The following TMEM132D variants were observed in gnomAD, a reference collection of about 807,000 sequenced individuals.
TMEM132D encodes the protein transmembrane protein 132D, also known as mature OL transmembrane protein.
TMEM132D carries 21 observed loss-of-function variants against 62.3 expected under a neutral mutation model. The observed-to-expected ratio is 0.34, with a 90% CI of 0.24 to 0.49. The LOEUF is 0.49. TMEM132D is among the 20% of genes least tolerant of loss of function. The probability of loss-of-function intolerance (pLI) is 0.99; values close to 1 mark genes in which losing one functional copy is unlikely to be tolerated. For synonymous variants in TMEM132D, 621 were observed against 575.6 expected, an observed-to-expected ratio of 1.08 and a Z score of -1.13; for missense variants, 1,346 against 1,402.8, an observed-to-expected ratio of 0.96 and a Z score of 0.65.
At chr12:129,462,005 G>A (rs542766815) in intron 3 of TMEM132D, among the ~76,000 whole-genome samples, 2 of 152,256 alleles carry the variant, frequency 1.3e-5, no homozygotes, top group South Asian at 2.1e-4. Context: ...TTTAAAAATT[G>A]GGCAAAAAGA....
intron 3 of TMEM132D, among the ~76,000 whole-genome samples, chr12:129,457,691 G>A (rs1018994126): frequency 2.6e-5 from 4 of 152,198 alleles, no homozygotes; most frequent in East Asian, 3.9e-4. Flanking sequence ...CATGTCGGAA[G>A]GGCAAAGAAA....
intron 5 of TMEM132D, among the ~76,000 whole-genome samples, chr12:129,188,444 A>C (rs1300992681): frequency 1.3e-5 from 2 of 152,186 alleles, no homozygotes; most frequent in East Asian, 3.9e-4. Flanking sequence ...TCACTCTTTC[A>C]AGCCATCAGA....
intron 4 of TMEM132D, among the ~76,000 whole-genome samples, chr12:129,236,269 C>T (rs1181817801): frequency 6.6e-6 from 1 of 151,736 alleles, no homozygotes; most frequent in Non-Finnish European, 1.5e-5. Context: ...GTTATCCCAG[C>T]ACTTTGGGAA....
chr12:129,572,044 T>A (rs1877528388), intron 2 of TMEM132D, among the ~76,000 whole-genome samples: 1 of 152,142 alleles, frequency 6.6e-6, no homozygotes, highest in Admixed American at 6.5e-5. Flanking sequence ...CCGCAGGTAC[T>A]CACCCTGCAG....
chr12:129,476,310 T>C (rs1874254070), intron 3 of TMEM132D, among the ~76,000 whole-genome samples: 1 of 152,196 alleles, frequency 6.6e-6, no homozygotes, highest in African/African-American at 2.4e-5. Context: ...CTGAGAAGTA[T>C]TGCTGTCAGG....
At chr12:129,516,479 A>T (rs376174986) in intron 3 of TMEM132D, among the ~76,000 whole-genome samples, 1 of 152,202 alleles carries the variant, frequency 6.6e-6, no homozygotes, top group Non-Finnish European at 1.5e-5. Context: ...CACATCTTAC[A>T]TGGTGGCAGA....
Position 129,529,326 on chromosome 12 carries a change from T to C in TMEM132D, c.1115+1733A>G, listed in dbSNP as rs373792607. Among the ~76,000 whole-genome samples, 43 of 152,350 alleles carry C rather than the reference T, an allele frequency of 2.8e-4. No homozygotes were observed. The East Asian group carries it at 7.5e-3, about 27-fold the overall frequency. On this transcript the variant is annotated intron_variant, in intron 3 of 8. Coordinates refer to ENST00000422113, the MANE Select transcript of TMEM132D (RefSeq NM_133448.3). ...CTGACACAGATGAAAGAAAAATAAA[T>C]GGCATCCACCATGCATTTCTGCATT...
chr12:129,813,631 T>TATATATA (rs36010730), intron 1 of TMEM132D, among the ~76,000 whole-genome samples: 2 of 144,048 alleles, frequency 1.4e-5, no homozygotes, highest in African/African-American at 2.6e-5. Flanking sequence ...TATATATATA[T>TATATATA]TTTCAGGACT....
At chr12:129,493,141 C>T (rs1874851951) in intron 3 of TMEM132D, among the ~76,000 whole-genome samples, 1 of 152,102 alleles carries the variant, frequency 6.6e-6, no homozygotes. Context: ...TTCTCTCTCT[C>T]TTTAACTTCA....
chr12:129,563,118 T>C (rs1877281848), intron 2 of TMEM132D, among the ~76,000 whole-genome samples: 1 of 152,244 alleles, frequency 6.6e-6, no homozygotes, highest in Non-Finnish European at 1.5e-5. Flanking sequence ...CATTTAATTT[T>C]TTTTGAGGCC....
At chr12:129,446,527 A>G (rs1212010960) in intron 3 of TMEM132D, among the ~76,000 whole-genome samples, 2 of 152,188 alleles carry the variant, frequency 1.3e-5, no homozygotes, top group Non-Finnish European at 2.9e-5. Context: ...AAATCCTTAC[A>G]CACATAACCC....
In TMEM132D at chr12:129,396,970, G is replaced by A. The variant is rs144834879; in HGVS notation, c.1116-59153C>T. ...TCACATTGCTTGTACACCTGAGATG[G>A]TGACTTAAAATTTGTTTTCACTAGG... On this transcript the variant is annotated intron_variant, in intron 3 of 8. Coordinates refer to ENST00000422113, the MANE Select transcript of TMEM132D (RefSeq NM_133448.3). Among the ~76,000 whole-genome samples the A allele has an allele frequency of 7.9e-5, 12 of 152,234 alleles. No homozygotes were observed. The East Asian group carries it at 1.4e-3, about 17-fold the overall frequency.
intron 5 of TMEM132D, among the ~76,000 whole-genome samples, chr12:129,166,460 A>G (rs1877554590): frequency 6.6e-6 from 1 of 150,712 alleles, no homozygotes; most frequent in Admixed American, 6.7e-5. Context: ...TAGTATCTCA[A>G]GTAAAGGCCA....
At chr12:129,281,902 A>G (rs913925128) in intron 4 of TMEM132D, among the ~76,000 whole-genome samples, 4 of 152,096 alleles carry the variant, frequency 2.6e-5, no homozygotes, top group African/African-American at 7.2e-5. Flanking sequence ...TCTTTCCTCA[A>G]TGGGGCTCAA....
chr12:129,244,897 T>G (rs2135586722), intron 4 of TMEM132D, among the ~76,000 whole-genome samples: 1 of 152,290 alleles, frequency 6.6e-6, no homozygotes, highest in Middle Eastern at 3.4e-3. Context: ...TGCCTCTGCC[T>G]CCCAAAGTGT....
chr12:129,552,853 T>C (rs11060429), intron 2 of TMEM132D, among the ~76,000 whole-genome samples: 31,065 of 152,126 alleles, frequency 0.2, 3,625 homozygotes, highest in East Asian at 0.42. Context: ...CTATTTATAT[T>C]ATCTATCATC....
intron 1 of TMEM132D, among the ~76,000 whole-genome samples, chr12:129,773,095 G>C (rs544705143): frequency 7.2e-5 from 11 of 152,296 alleles, no homozygotes; most frequent in African/African-American, 2.6e-4. Flanking sequence ...GCCACTCCTG[G>C]GTATGCAAGG....
At chr12:129,476,932 GT>G (rs748793232) in intron 3 of TMEM132D, among the ~76,000 whole-genome samples, 48 of 152,180 alleles carry the variant, frequency 3.2e-4, no homozygotes, top group Non-Finnish European at 3.4e-4. Context: ...TCTACCAATC[GT>G]TTTTTGTCCA....
chr12:129,406,447 C>T (rs1413923568), intron 3 of TMEM132D, among the ~76,000 whole-genome samples: 1 of 152,032 alleles, frequency 6.6e-6, no homozygotes, highest in East Asian at 1.9e-4. Context: ...GGTGAAACCC[C>T]GTCTCTACTA....
Sources: gnomAD v4.1 joint callset for allele counts (sites outside exome capture counted in the v4.1 genomes callset) on GRCh38, gnomAD v4.1.1 for gene constraint, MANE v1.5 for transcripts, NCBI Gene and HGNC (gene_info 2026-07-23, HGNC 2026-07-21) for gene names.